The following DACH2 variants were observed in gnomAD, a reference collection of about 807,000 sequenced individuals.
The protein encoded by DACH2 is dachshund family transcription factor 2.
DACH2 carries 17 observed loss-of-function variants against 35.8 expected under a neutral mutation model. The ratio of observed to expected loss-of-function variants is 0.48; its 90% confidence interval spans 0.33 to 0.71. DACH2 has a LOEUF of 0.71. DACH2 is among the 30% of genes least tolerant of loss of function. DACH2 has a pLI of 0.02. For missense variants in DACH2, 469 were observed against 472.7 expected, an observed-to-expected ratio of 0.99 and a Z score of 0.07; for synonymous variants, 195 against 177.3, an observed-to-expected ratio of 1.10 and a Z score of -0.79.
At chrX:86,225,332 A>G (rs2032800033) in intron 1 of DACH2, among the ~76,000 whole-genome samples, 1 of 111,345 alleles carries the variant, frequency 9.0e-6, no homozygotes, top group Admixed American at 9.6e-5. Context: ...AGGAGTTTAT[A>G]TTTTTTAAAT....
intron 3 of DACH2, among the ~76,000 whole-genome samples, chrX:86,616,372 A>G (rs1470195900): frequency 1.8e-5 from 2 of 111,914 alleles, no homozygotes; most frequent in African/African-American, 3.2e-5. Flanking sequence ...TGATTTAACT[A>G]CTTCACACTC....
intron 3 of DACH2, among the ~76,000 whole-genome samples, chrX:86,542,857 C>CTGA: frequency 8.9e-6 from 1 of 111,973 alleles, no homozygotes; most frequent in African/African-American, 3.2e-5. Flanking sequence ...ATCTCCTACA[C>CTGA]TAGCATCTGT....
intron 1 of DACH2, among the ~76,000 whole-genome samples, chrX:86,169,596 T>A (rs1387167411): frequency 9.1e-6 from 1 of 110,416 alleles, no homozygotes; most frequent in Non-Finnish European, 1.9e-5. Context: ...TTTTTTTGTC[T>A]CCTCTGTGTA....
At chrX:86,325,357 A>G (rs760882215) in intron 1 of DACH2, among the ~76,000 whole-genome samples, 9 of 109,630 alleles carry the variant, frequency 8.2e-5, no homozygotes, top group East Asian at 2.9e-4. Flanking sequence ...AGATGGAATG[A>G]GAGAGAGAGA....
intron 4 of DACH2, among the ~76,000 whole-genome samples, chrX:86,667,573 A>AAAG (rs1311925983): frequency 2.0e-5 from 2 of 99,591 alleles, no homozygotes; most frequent in Non-Finnish European, 4.0e-5. Context: ...AGAAAGAAAG[A>AAAG]AAGAAAGAAA....
At chrX:86,500,272 T>C (rs1429580458) in intron 2 of DACH2, among the ~76,000 whole-genome samples, 1 of 111,668 alleles carries the variant, frequency 9.0e-6, no homozygotes, top group African/African-American at 3.3e-5. Flanking sequence ...ATTTTGTTCA[T>C]AGGAGGATGT....
chrX:86,548,775 T>C (rs942327823), intron 3 of DACH2, among the ~76,000 whole-genome samples: 1 of 112,455 alleles, frequency 8.9e-6, no homozygotes, highest in African/African-American at 3.2e-5. Context: ...AAAGTATTTA[T>C]ACCAACCATC....
chrX:86,620,494 C>T (rs2040056493), intron 3 of DACH2, among the ~76,000 whole-genome samples: 1 of 111,580 alleles, frequency 9.0e-6, no homozygotes, highest in South Asian at 3.7e-4. Context: ...ACGATAACTG[C>T]TAAAATATCC....
At chrX:86,194,747 A>G (rs2031930940) in intron 1 of DACH2, among the ~76,000 whole-genome samples, 1 of 112,471 alleles carries the variant, frequency 8.9e-6, no homozygotes, top group Non-Finnish European at 1.9e-5. Context: ...TTGGCGCAGG[A>G]GTGTCTGTAA....
chrX:86,492,164 T>C (rs1040673865), intron 2 of DACH2, among the ~76,000 whole-genome samples: 1 of 111,265 alleles, frequency 9.0e-6, no homozygotes, highest in Non-Finnish European at 1.9e-5. Context: ...ATATTACAGA[T>C]CAAAAACAAC....
At chrX:86,277,398 AT>A (rs2033936586) in intron 1 of DACH2, among the ~76,000 whole-genome samples, 1 of 111,848 alleles carries the variant, frequency 8.9e-6, no homozygotes, top group Non-Finnish European at 1.9e-5. Flanking sequence ...GCCATTTGAT[AT>A]TGGAATACAT....
intron 6 of DACH2, among the ~76,000 whole-genome samples, chrX:86,736,584 C>T (rs1026865089): frequency 2.7e-5 from 3 of 111,067 alleles, no homozygotes; most frequent in Non-Finnish European, 3.8e-5. Context: ...TTTATAGGTG[C>T]TCTTATGATT....
intron 4 of DACH2, among the ~76,000 whole-genome samples, chrX:86,684,924 A>T: frequency 8.9e-6 from 1 of 111,874 alleles, no homozygotes; most frequent in South Asian, 3.7e-4. Context: ...AAATAGAAAT[A>T]ATTAAGAAGA....
chrX:86,403,695 T>C (rs1219167233), intron 2 of DACH2, among the ~76,000 whole-genome samples: 1 of 111,802 alleles, frequency 8.9e-6, no homozygotes, highest in Non-Finnish European at 1.9e-5. Flanking sequence ...ACTGTGTATA[T>C]ACTCAAAAGA....
At chrX:86,473,623 T>C (rs769919377) in intron 2 of DACH2, among the ~76,000 whole-genome samples, 1 of 111,507 alleles carries the variant, frequency 9.0e-6, no homozygotes, top group African/African-American at 3.3e-5. Context: ...AAACATGTCA[T>C]GTTTTTCTCT....
chrX:86,319,652 A>G (rs1361820941), intron 1 of DACH2, among the ~76,000 whole-genome samples: 3 of 112,126 alleles, frequency 2.7e-5, no homozygotes, highest in African/African-American at 9.7e-5. Context: ...AATTTAGACC[A>G]CATATTTACA....
At chrX:86,202,378 T>C (rs1325315416) in intron 1 of DACH2, among the ~76,000 whole-genome samples, 2 of 111,641 alleles carry the variant, frequency 1.8e-5, no homozygotes, top group Non-Finnish European at 3.8e-5. Context: ...GTGGGAATCA[T>C]ATTGTTTCTC....
chrX:86,196,102 CATA>C (rs2147896615), intron 1 of DACH2, among the ~76,000 whole-genome samples: 1 of 111,169 alleles, frequency 9.0e-6, no homozygotes, highest in African/African-American at 3.3e-5. Flanking sequence ...GCTGAAATGA[CATA>C]AACAGAATTA....
At position 86,338,131 on chromosome X, in the gene DACH2, C is replaced by T. The variant is rs779198334; in HGVS notation, c.489-38693C>T. ...CAATAACAGACAGATACTTTAACATCCCACTGTAAGTATTAGACAGATCAA... is the reference window on the plus strand; with the variant it reads ...CAATAACAGACAGATACTTTAACATTCCACTGTAAGTATTAGACAGATCAA... On this transcript the variant is annotated intron_variant, in intron 1 of 11. Transcript: ENST00000373125. Among the ~76,000 whole-genome samples the T allele has an allele frequency of 1.2e-3, 135 of 111,465 alleles. 3 individuals are homozygous for T. Among genetic ancestry groups the T allele is most frequent in the African/African-American group, 3.1e-3 (94 of 30,657 alleles).
Sources: allele counts gnomAD v4.1 joint callset (sites outside exome capture counted in the v4.1 genomes callset), GRCh38; gene constraint gnomAD v4.1.1; transcripts MANE v1.5; gene names NCBI Gene and HGNC (gene_info 2026-07-23, HGNC 2026-07-21).